The following CTNNBIP1 variants were observed in gnomAD, a reference collection of about 807,000 sequenced individuals.
CTNNBIP1 encodes beta-catenin-interacting protein 1.
Under a neutral mutation model 11.8 loss-of-function variants are expected in CTNNBIP1, and 7 were observed. That is an observed-to-expected ratio of 0.60 (90% confidence interval 0.34 to 1.12). CTNNBIP1 has a LOEUF of 1.12. CTNNBIP1 is among the 50% of genes most tolerant of loss of function. The pLI, the probability that CTNNBIP1 is intolerant of heterozygous loss-of-function variation, is 0.03. For missense variants in CTNNBIP1, 101 were observed against 113.4 expected (o/e 0.89, Z 0.50); for synonymous variants, 58 against 43.9 (o/e 1.32, Z -1.26).
At chr1:9,866,951 G>A (rs1345503978) in intron 5 of CTNNBIP1, among the ~76,000 whole-genome samples, 2 of 152,122 alleles carry the variant, frequency 1.3e-5, no homozygotes, top group African/African-American at 2.4e-5. Context: ...AGGAGTCGAG[G>A]CTGAGTCCTC....
chr1:9,876,274 A>G (rs1006659759), intron 3 of CTNNBIP1, among the ~76,000 whole-genome samples: 1 of 152,172 alleles, frequency 6.6e-6, no homozygotes, highest in African/African-American at 2.4e-5. Flanking sequence ...AAATCCTAAG[A>G]AAATTTCTAT....
chr1:9,892,475 C>T (rs893635656), intron 1 of CTNNBIP1, among the ~76,000 whole-genome samples: 15 of 150,630 alleles, frequency 1.0e-4, no homozygotes, highest in Admixed American at 9.2e-4. Context: ...CACCTGTAGG[C>T]CCAGTTACTT....
intron 3 of CTNNBIP1, among the ~76,000 whole-genome samples, chr1:9,874,661 G>A (rs902810908): frequency 3.3e-5 from 5 of 152,168 alleles, no homozygotes; most frequent in South Asian, 2.1e-4. Context: ...CCTGTCCTCC[G>A]GGAGACTAGC....
chr1:9,863,130 G>A (rs763987356), intron 5 of CTNNBIP1, among the ~76,000 whole-genome samples: 1 of 152,048 alleles, frequency 6.6e-6, no homozygotes, highest in African/African-American at 2.4e-5. Flanking sequence ...CCCTGGAGCC[G>A]CAGCCAGGTG....
intron 3 of CTNNBIP1, among the ~76,000 whole-genome samples, chr1:9,875,842 C>T (rs1163341993): frequency 6.6e-6 from 1 of 152,206 alleles, no homozygotes. Flanking sequence ...GACTGGCTTA[C>T]ATAATTCTCT....
chr1:9,878,597 G>A (rs757107108), intron 2 of CTNNBIP1, among the ~76,000 whole-genome samples: 3 of 152,172 alleles, frequency 2.0e-5, no homozygotes, highest in Non-Finnish European at 2.9e-5. Flanking sequence ...ATACACCTCT[G>A]GCAGGAATCT....
rs537804844 is a variant in CTNNBIP1, at chr1:9,871,113, G to A, written c.187+74C>T. ...ACCCATCAAAGAGGGCTGGAGCTAC[G>A]CTTTCTAAGGGAACCACAAGTCGGT... On this transcript the variant is annotated intron_variant, in intron 5 of 5. Coordinates refer to ENST00000377263, the MANE Select transcript of CTNNBIP1 (RefSeq NM_020248.3). The surrounding 1 kb of genome is among the most constrained non-coding windows in gnomAD (Gnocchi z 5.2). 17 of 1,158,248 alleles carry A rather than the reference G, an allele frequency of 1.5e-5. No homozygotes were observed. Among genetic ancestry groups the A allele is most frequent in the African/African-American group, 6.1e-5 (4 of 65,142 alleles). 71.7% of individuals were successfully genotyped at this position (1,158,248 alleles called of 1,614,324 possible). A position where few individuals can be genotyped will look rare whatever the true frequency, so the allele number is the denominator to read the frequency against.
At chr1:9,892,714 T>G (rs1481463626) in intron 1 of CTNNBIP1, among the ~76,000 whole-genome samples, 1 of 152,146 alleles carries the variant, frequency 6.6e-6, no homozygotes, top group Middle Eastern at 3.2e-3. Flanking sequence ...AATACACCCA[T>G]CTGTGCTACA....
intron 1 of CTNNBIP1, among the ~76,000 whole-genome samples, chr1:9,884,884 G>T (rs1165912200): frequency 6.6e-6 from 1 of 152,130 alleles, no homozygotes; most frequent in Non-Finnish European, 1.5e-5. Context: ...GCCCTATGGT[G>T]GGGGCACAGG....
chr1:9,853,163 G>A (rs899836217), intron 5 of CTNNBIP1, among the ~76,000 whole-genome samples: 2 of 152,192 alleles, frequency 1.3e-5, no homozygotes, highest in African/African-American at 4.8e-5. Flanking sequence ...GAGAGGAAAA[G>A]GCCTGAGGAG....
chr1:9,865,832 G>A (rs1192070386), intron 5 of CTNNBIP1, among the ~76,000 whole-genome samples: 1 of 152,052 alleles, frequency 6.6e-6, no homozygotes, highest in Non-Finnish European at 1.5e-5. Flanking sequence ...TTCTATAACT[G>A]GGAAAAAAAT....
At chr1:9,899,535 T>C (rs547666811) in intron 1 of CTNNBIP1, among the ~76,000 whole-genome samples, 1 of 139,330 alleles carries the variant, frequency 7.2e-6, no homozygotes, top group South Asian at 2.3e-4. Flanking sequence ...CCGAGGTGGG[T>C]AGGTCACAAG....
At chr1:9,890,377 G>A (rs944518482) in intron 1 of CTNNBIP1, among the ~76,000 whole-genome samples, 1 of 152,154 alleles carries the variant, frequency 6.6e-6, no homozygotes, top group African/African-American at 2.4e-5. Flanking sequence ...CTGCACAGTG[G>A]GGGGACAAGG....
At position 9,907,762 on chromosome 1, in the gene CTNNBIP1, C is replaced by G. The variant is rs1322827017; in HGVS notation, c.-144+2333G>C. 2.0e-5 allele frequency among the ~76,000 whole-genome samples: 3 copies of G among 152,180 alleles called. 1 individual carries two copies. Among genetic ancestry groups the G allele is most frequent in the African/African-American group, 7.2e-5 (3 of 41,444 alleles). On this transcript the variant is annotated intron_variant, in intron 1 of 5. Transcript: ENST00000377263. Reference sequence around the variant, plus strand: ...TCCAAAGTTTTGCTTTGCAGCTCTCCCAGAGGGAACAGACTGATTCCACCT... The same window carrying G: ...TCCAAAGTTTTGCTTTGCAGCTCTCGCAGAGGGAACAGACTGATTCCACCT...
chr1:9,909,236 A>G (rs1364684253), intron 1 of CTNNBIP1, among the ~76,000 whole-genome samples: 2 of 152,226 alleles, frequency 1.3e-5, no homozygotes, highest in East Asian at 3.8e-4. Flanking sequence ...TGTTCCTCTC[A>G]GTTCTGTGAG....
At chr1:9,858,748 A>G (rs1570560949) in intron 5 of CTNNBIP1, among the ~76,000 whole-genome samples, 1 of 152,210 alleles carries the variant, frequency 6.6e-6, no homozygotes, top group African/African-American at 2.4e-5. Context: ...TCACTGACAT[A>G]GTCACAGTAT....
chr1:9,863,040 C>T (rs974614671), intron 5 of CTNNBIP1, among the ~76,000 whole-genome samples: 6 of 152,198 alleles, frequency 3.9e-5, no homozygotes, highest in Non-Finnish European at 5.9e-5. Flanking sequence ...GAACCCATGA[C>T]GCGGGGTGAT....
At chr1:9,862,921 C>T (rs1638663191) in intron 5 of CTNNBIP1, among the ~76,000 whole-genome samples, 1 of 152,328 alleles carries the variant, frequency 6.6e-6, no homozygotes, top group South Asian at 2.1e-4. Flanking sequence ...CCCTCAATGC[C>T]CCTCTCTGAC....
chr1:9,881,329 ATTTTT>A (rs60318288), intron 2 of CTNNBIP1, among the ~76,000 whole-genome samples: 2 of 49,488 alleles, frequency 4.0e-5, no homozygotes, highest in African/African-American at 1.3e-4. Flanking sequence ...CAGCCTTGAA[ATTTTT>A]TTTTTTTTTT....
Sources: gnomAD v4.1 joint callset for allele counts (sites outside exome capture counted in the v4.1 genomes callset) on GRCh38, gnomAD v4.1.1 for gene constraint, Gnocchi (gnomAD v3.1) non-coding constraint, MANE v1.5 for transcripts, NCBI Gene and HGNC (gene_info 2026-07-23, HGNC 2026-07-21) for gene names.